CELSR1: variants seen among roughly 807,000 people sequenced by gnomAD.
CELSR1 encodes the protein adhesion G protein-coupled receptor C1.
Under a neutral mutation model 249.1 loss-of-function variants are expected in CELSR1, and 110 were observed. That is an observed-to-expected ratio of 0.44 (90% CI 0.38 to 0.52). The LOEUF (loss-of-function observed/expected upper bound fraction) is 0.52, where lower values mean the gene tolerates loss of function less well. Ranked by LOEUF, CELSR1 falls within the 20% of genes least tolerant of loss-of-function variation. The pLI is 0.00. For synonymous variants in CELSR1, 2,113 were observed against 1,900.0 expected (o/e 1.11, Z -2.92); for missense variants, 4,109 against 4,296.4 (o/e 0.96, Z 1.22).
At chr22:46,368,696 T>C (rs1234257085) in intron 27 of CELSR1, among the ~76,000 whole-genome samples, 1 of 152,076 alleles carries the variant, frequency 6.6e-6, no homozygotes, top group South Asian at 2.1e-4. Context: ...CACCTGCTCC[T>C]TTGGGGCCTC....
At chr22:46,524,597 T>C (rs2147800154) in intron 1 of CELSR1, among the ~76,000 whole-genome samples, 1 of 151,724 alleles carries the variant, frequency 6.6e-6, no homozygotes, top group South Asian at 2.1e-4. Context: ...TTTTGTTTGC[T>C]TTTTAAGAGC....
rs1335189534 is a variant in CELSR1, at chr22:46,410,129, G to C, written c.4934-249C>G. ...GGCCCGGTCACCTGGTGACACATAT[G>C]CAAGACCCTAGGATCATGTGCGCCT... On this transcript the variant is annotated intron_variant, in intron 7 of 34. Transcript: ENST00000674500. The surrounding 1 kb of genome is among the most constrained non-coding windows in gnomAD (Gnocchi z 6.8). Among the ~76,000 whole-genome samples, 1 of 152,230 alleles carries C rather than the reference G, an allele frequency of 6.6e-6. No individual in the cohort carries two copies. Among genetic ancestry groups the C allele is most frequent in the Non-Finnish European group, 1.5e-5 (1 of 68,042 alleles).
chr22:46,507,196 A>G (rs1430636905), intron 1 of CELSR1, among the ~76,000 whole-genome samples: 1 of 152,110 alleles, frequency 6.6e-6, no homozygotes, highest in Non-Finnish European at 1.5e-5. Flanking sequence ...AAAAAAGAAA[A>G]CAAAATAAAA....
At position 46,526,951 on chromosome 22, in the gene CELSR1, C is replaced by A. The variant is rs1318166266; in HGVS notation, c.3544+6676G>T. Among the ~76,000 whole-genome samples the A allele has an allele frequency of 6.6e-6, 1 of 152,174 alleles. No individual in the cohort carries two copies. The highest frequency in any genetic ancestry group is 1.5e-5 in the Non-Finnish European group (1 of 68,036). On this transcript the variant is annotated intron_variant, in intron 1 of 34. Coordinates refer to ENST00000674500, the MANE Select transcript of CELSR1 (RefSeq NM_001378328.1). This position sits in a 1 kb window ranked among gnomAD's most constrained non-coding sequence, Gnocchi z 4.7. ...CCGGTAAGGACTCTGGCTCAGGGAA[C>A]GAACCTCTCTCAGTTTCACTCTCAT...
At chr22:46,376,391 T>C (rs1424141731) in intron 24 of CELSR1, among the ~76,000 whole-genome samples, 1 of 152,190 alleles carries the variant, frequency 6.6e-6, no homozygotes, top group Non-Finnish European at 1.5e-5. Flanking sequence ...TTTTGTTTTG[T>C]TTTGAGACAG....
In CELSR1 at chr22:46,380,788, G is replaced by T. The variant is rs367891085; in HGVS notation, c.7256C>A (p.Ala2419Asp). ...PVCVFWNHSL[A>D]VGGTGGWSAR... Reference sequence around the variant, plus strand: ...ATGGGGCTCCTGGCGTCACACTTACGCCAGGGAGTGGTTCCAGAACACGCA... The same window carrying T: ...ATGGGGCTCCTGGCGTCACACTTACTCCAGGGAGTGGTTCCAGAACACGCA... Residue 2419 changes from alanine (A) to aspartate (D), a missense_variant and splice_region_variant, in exon 22 of 35, where the codon GCC becomes GAC. Coordinates refer to ENST00000674500, the MANE Select transcript of CELSR1 (RefSeq NM_001378328.1). This position sits in a 1 kb window ranked among gnomAD's most constrained non-coding sequence, Gnocchi z 5.1. The T allele has an allele frequency of 1.2e-6, 2 of 1,611,968 alleles. No individual in the cohort carries two copies. The highest frequency in any genetic ancestry group is 8.5e-7 in the Non-Finnish European group (1 of 1,179,518).
chr22:46,439,125 G>A, intron 3 of CELSR1, 64 bp downstream of exon 3: 3 of 1,427,892 alleles, frequency 2.1e-6, no homozygotes, highest in Admixed American at 1.8e-5. Flanking sequence ...GGGATGGGGT[G>A]CACGGAGAAG....
At chr22:46,405,953 C>T (rs1264420888) in intron 9 of CELSR1, among the ~76,000 whole-genome samples, 1 of 152,190 alleles carries the variant, frequency 6.6e-6, no homozygotes, top group Non-Finnish European at 1.5e-5. Context: ...GGGTCTGCAG[C>T]ATCCCCTCAA....
rs149185508 is a variant in CELSR1, at chr22:46,377,213, A to G, written c.7432T>C (p.Leu2478=). The part of the protein sequence containing the change: ...LKIVTYAAVS[L]SLAALLVAFV... ...GCCACCAGCAGGGCTGCCAGTGACA[A>G]GGACACAGCGGCATAGGTGACAATC... Residue 2478 remains leucine (L), a synonymous_variant, in exon 24 of 35, where the codon TTG becomes CTG. Coordinates refer to ENST00000674500, the MANE Select transcript of CELSR1 (RefSeq NM_001378328.1). 313 of 1,613,928 alleles carry G rather than the reference A, an allele frequency of 1.9e-4. No homozygotes were observed. The highest frequency in any genetic ancestry group is 2.4e-4 in the Non-Finnish European group (287 of 1,180,046).
intron 1 of CELSR1, among the ~76,000 whole-genome samples, chr22:46,477,600 CGA>C (rs1262503054): frequency 6.6e-6 from 1 of 151,008 alleles, no homozygotes; most frequent in African/African-American, 2.4e-5. Context: ...CTCCACCTCC[CGA>C]GTTCAAGCGA....
chr22:46,365,645 C>T lies in CELSR1; in HGVS notation c.8345G>A (p.Arg2782Lys). Residue 2782 changes from arginine to lysine, a missense_variant, in exon 31 of 35, where the codon AGG (arginine) becomes AAG (lysine). This residue lies in a region of CELSR1 where 1,805 missense variants were observed against 1,831.6 expected (regional missense o/e 0.99). Coordinates refer to ENST00000674500, the MANE Select transcript of CELSR1 (RefSeq NM_001378328.1). The part of the protein sequence containing the change: ...QKLGVSSGLV[R>K]GSHGEPDASL... ...CGCGTCTGGCTCTCCGTGGCTGCCC[C>T]TCACCAGCCCAGAGGACACGCCGAG... 6.3e-7 allele frequency: 1 copy of T among 1,589,452 alleles called. No homozygotes were observed. Among genetic ancestry groups the T allele is most frequent in the Non-Finnish European group, 8.6e-7 (1 of 1,168,654 alleles).
intron 20 of CELSR1, among the ~76,000 whole-genome samples, chr22:46,384,124 C>T (rs182812200): frequency 1.9e-3 from 286 of 152,084 alleles, no homozygotes; most frequent in African/African-American, 6.5e-3. Flanking sequence ...TTAGTAGAGA[C>T]GGGGTTTTAC....
intron 24 of CELSR1, among the ~76,000 whole-genome samples, chr22:46,375,058 G>A (rs964849771): frequency 6.6e-6 from 1 of 152,176 alleles, no homozygotes; most frequent in Non-Finnish European, 1.5e-5. Flanking sequence ...CGAGGTGGGG[G>A]TGCCTGCCTT....
chr22:46,535,627 A>T lies in CELSR1; in HGVS notation c.1544T>A (p.Ile515Asn). ...ATCCAAGGGGTTGATCACATCCAGG[A>T]TCCCGCTCAGCGAGTGCAGGTAGAA... ...GQFYLHSLSG[I>N]LDVINPLDFE... Residue 515 changes from isoleucine (I) to asparagine (N), a missense_variant, in exon 1 of 35, where the codon ATC (isoleucine) becomes AAC (asparagine). Ile to Asn is a moderately radical substitution (Grantham distance 149). This residue lies in a region of CELSR1 where 135 missense variants were observed against 190.0 expected (regional missense o/e 0.71). Coordinates refer to ENST00000674500, the MANE Select transcript of CELSR1 (RefSeq NM_001378328.1). 1 of 1,613,328 alleles carries T rather than the reference A, an allele frequency of 6.2e-7. No individual in the cohort carries two copies. The highest frequency in any genetic ancestry group is 8.5e-7 in the Non-Finnish European group (1 of 1,180,020).
intron 1 of CELSR1, among the ~76,000 whole-genome samples, chr22:46,467,432 G>A (rs1004799693): frequency 1.1e-4 from 16 of 152,132 alleles, no homozygotes; most frequent in South Asian, 2.1e-4. Flanking sequence ...CAAAATATGC[G>A]CAAATAAAAT....
chr22:46,396,710 A>G lies in CELSR1; in HGVS notation c.5738T>C (p.Leu1913Pro). 6.2e-7 allele frequency: 1 copy of G among 1,612,776 alleles called. No individual in the cohort carries two copies. The highest frequency in any genetic ancestry group is 8.5e-7 in the Non-Finnish European group (1 of 1,179,434). The change falls in exon 13 of 35, where the codon CTG (leucine) becomes CCG (proline). Residue 1913 changes from leucine to proline, a missense_variant. Around this residue, in one of 7 missense-constraint regions of CELSR1, gnomAD observed 1,805 missense variants for 1,831.6 expected, o/e 0.99. Transcript: ENST00000674500. The surrounding 1 kb of genome is among the most constrained non-coding windows in gnomAD (Gnocchi z 6.4). ...LGINCVDACH[L>P]NPCENMGACV... is the part of the protein sequence containing the mutation. ...GGCCCCCATGTTCTCGCAGGGGTTC[A>G]GGTGACAGGCATCCACACAGTTTAT...
intron 1 of CELSR1, among the ~76,000 whole-genome samples, chr22:46,478,174 C>CT (rs1460900367): frequency 6.6e-6 from 1 of 152,228 alleles, no homozygotes; most frequent in East Asian, 1.9e-4. Context: ...CAGCACCCGG[C>CT]TTTGCCAGAC....
Position 46,384,635 on chromosome 22 carries a change from G to A in CELSR1, c.6791C>T (p.Pro2264Leu), listed in dbSNP as rs745998249. 2.5e-6 allele frequency: 4 copies of A among 1,613,502 alleles called. No individual in the cohort carries two copies. Among genetic ancestry groups the A allele is most frequent in the South Asian group, 1.1e-5 (1 of 90,908 alleles). ...DKFNFTGARV[P>L]RFDTIHEEFP... ...CTCTTCATGGATGGTGTCGAATCGC[G>A]GGACCCTGGCTCCCGTAAAGTTGAA... is the stretch of plus-strand genomic sequence containing the variant. Residue 2264 changes from proline (P) to leucine (L), a missense_variant, in exon 20 of 35, where the codon CCG (proline) becomes CTG (leucine). This residue lies in a region of CELSR1 where 1,805 missense variants were observed against 1,831.6 expected (regional missense o/e 0.99). Transcript: ENST00000674500.
chr22:46,426,639 G>A (rs1234912615), intron 5 of CELSR1, among the ~76,000 whole-genome samples: 6 of 152,274 alleles, frequency 3.9e-5, no homozygotes, highest in Non-Finnish European at 5.9e-5. Context: ...GGTCTGAAGT[G>A]TCCCCCAAAG....
Sources: gnomAD v4.1 joint callset for allele counts (sites outside exome capture counted in the v4.1 genomes callset) on GRCh38, gnomAD v4.1.1 for gene constraint, gnomAD v4.1.1 regional missense constraint, Gnocchi (gnomAD v3.1) non-coding constraint, MANE v1.5 for transcripts, NCBI Gene and HGNC (gene_info 2026-07-23, HGNC 2026-07-21) for gene names.